Variants in SYNE1 observed in about 807,000 individuals in gnomAD.
The protein encoded by SYNE1 is nesprin-1.
SYNE1 carries 616 observed loss-of-function variants against 1,111.0 expected under a neutral mutation model. That is an observed-to-expected ratio of 0.55 (90% confidence interval 0.52 to 0.59). The LOEUF is 0.59. Ranked by LOEUF, SYNE1 falls within the 20% of genes least tolerant of loss-of-function variation. The pLI is 0.00. For missense variants in SYNE1, 10,006 were observed against 10,417.0 expected, an observed-to-expected ratio of 0.96 and a Z score of 1.72; for synonymous variants, 3,855 against 3,825.8, an observed-to-expected ratio of 1.01 and a Z score of -0.28.
chr6:152,343,381 A>T (rs1590619730), intron 74 of SYNE1, among the ~76,000 whole-genome samples: 2 of 147,268 alleles, frequency 1.4e-5, no homozygotes, highest in Admixed American at 6.7e-5. Flanking sequence ...ATGGTCTTGC[A>T]CTCTTGAAAC....
intron 3 of SYNE1, among the ~76,000 whole-genome samples, chr6:152,585,179 C>T (rs12530217): frequency 2.0e-3 from 298 of 152,282 alleles, no homozygotes; most frequent in African/African-American, 6.4e-3. Context: ...TGAAGAAGAA[C>T]GTGTTTGCTT....
At chr6:152,274,619 G>A (rs953508726) in intron 98 of SYNE1, among the ~76,000 whole-genome samples, 9 of 151,994 alleles carry the variant, frequency 5.9e-5, no homozygotes, top group African/African-American at 2.2e-4. Context: ...TTTTTGAGAT[G>A]GAGTTTCACT....
chr6:152,302,464 T>A (rs555584890), intron 91 of SYNE1, among the ~76,000 whole-genome samples: 2 of 152,354 alleles, frequency 1.3e-5, no homozygotes, highest in Admixed American at 6.5e-5. Flanking sequence ...GGTCATGTGA[T>A]GGCTAAAACC....
At chr6:152,384,693 T>A (rs924991996) in intron 55 of SYNE1, among the ~76,000 whole-genome samples, 3 of 152,040 alleles carry the variant, frequency 2.0e-5, no homozygotes, top group Non-Finnish European at 4.4e-5. Flanking sequence ...CTGGCCAACA[T>A]GGTGAAGCCC....
chr6:152,503,913 AC>A (rs2154329561), intron 9 of SYNE1, among the ~76,000 whole-genome samples: 1 of 152,302 alleles, frequency 6.6e-6, no homozygotes. Flanking sequence ...CTTTTGGTCT[AC>A]CTAATCTGTA....
At position 152,308,472 on chromosome 6, in the gene SYNE1, G is replaced by A. The variant is rs754335552; in HGVS notation, c.17346+17C>T. On this transcript the variant is annotated intron_variant, in intron 91 of 145. Coordinates refer to ENST00000367255, the MANE Select transcript of SYNE1 (RefSeq NM_182961.4). ...GCCAGTTTCCTGCCCTCGGTATTTC[G>A]CCTACATTCCTCTCACCTCATGCCG... 7.4e-6 allele frequency: 12 copies of A among 1,613,662 alleles called. No individual in the cohort carries two copies. Among genetic ancestry groups the A allele is most frequent in the East Asian group, 2.2e-5 (1 of 44,872 alleles).
At chr6:152,617,176 A>AAC (rs1406455802) in intron 3 of SYNE1, among the ~76,000 whole-genome samples, 1 of 152,192 alleles carries the variant, frequency 6.6e-6, no homozygotes, top group Non-Finnish European at 1.5e-5. Flanking sequence ...ATTATGAACT[A>AAC]TAAGTTCCTT....
At position 152,413,470 on chromosome 6, in the gene SYNE1, A is replaced by G; in HGVS notation, c.6112T>C (p.Leu2038=). ...GCAATTTGCTTGGCTTTGTCTTTCAACCAACATAGTTCATGCTCGTGAGAA... is the reference window on the plus strand; with the variant it reads ...GCAATTTGCTTGGCTTTGTCTTTCAGCCAACATAGTTCATGCTCGTGAGAA... ...LNSHEHELCW[L]KDKAKQIAQK... is the part of the protein sequence containing the mutation. The change falls in exon 42 of 146, where the codon TTG becomes CTG. Residue 2038 remains leucine, a synonymous_variant. Transcript: ENST00000367255. 3 of 1,614,156 alleles carry G rather than the reference A, an allele frequency of 1.9e-6. No individual in the cohort carries two copies. Among genetic ancestry groups the G allele is most frequent in the Middle Eastern group, 1.6e-4 (1 of 6,062 alleles).
rs547451707 is a variant in SYNE1 at position 152,456,096 on chromosome 6, G to C, written c.2569-52C>G. 1.2e-5 allele frequency: 19 copies of C among 1,572,572 alleles called. No individual in the cohort carries two copies. The African/African-American group carries it at 1.5e-4, about 12-fold the overall frequency. ...ATGTTATTTACAAGACAGAGTGAGA[G>C]AGAAAGAAAGAGAGTGACCATTACA... is the stretch of plus-strand genomic sequence containing the variant. On this transcript the variant is annotated intron_variant, in intron 22 of 145. Transcript: ENST00000367255.
At chr6:152,208,335 T>A (rs2076907737) in intron 124 of SYNE1, 129 bp from the exon 125 acceptor site, 1 of 810,364 alleles carries the variant, frequency 1.2e-6, no homozygotes, top group Middle Eastern at 3.3e-4. Flanking sequence ...TTTTTGAATA[T>A]CATGCCATGA....
chr6:152,462,137 A>C (rs534651060), intron 20 of SYNE1, among the ~76,000 whole-genome samples: 1 of 152,018 alleles, frequency 6.6e-6, no homozygotes, highest in African/African-American at 2.4e-5. Flanking sequence ...AAAAACTTAT[A>C]AATTAGAAAT....
At position 152,139,717 on chromosome 6, in the gene SYNE1, A is replaced by AAAAGAAAG. The variant is rs138419982; in HGVS notation, c.25458+225_25458+232dup. Among the ~76,000 whole-genome samples, 35 of 95,478 alleles carry AAAAGAAAG rather than the reference A, an allele frequency of 3.7e-4. 1 individual carries two copies. Among genetic ancestry groups the AAAAGAAAG allele is most frequent in the Middle Eastern group, 4.5e-3 (1 of 222 alleles). 62.6% of individuals were successfully genotyped at this position (95,478 alleles called of 152,430 possible). ...AAGAAAGAGAAAAAGAAAAGAAAGAAAAAGAAAGAAAGAAAGAAAGAAAGA... is the reference window on the plus strand; with the variant it reads ...AAGAAAGAGAAAAAGAAAAGAAAGAAAAAGAAAGAAAGAAAGAAAGAAAGAAAGAAAGA... On this transcript the variant is annotated intron_variant, in intron 140 of 145. Transcript: ENST00000367255.
chr6:152,253,733 T>C (rs1004734502), intron 104 of SYNE1, among the ~76,000 whole-genome samples: 1 of 150,292 alleles, frequency 6.7e-6, no homozygotes, highest in African/African-American at 2.4e-5. Context: ...TTTAAGAATG[T>C]AGACTACCAG....
chr6:152,242,031 A>C (rs1181574625), intron 107 of SYNE1, among the ~76,000 whole-genome samples: 3 of 152,204 alleles, frequency 2.0e-5, no homozygotes, highest in Non-Finnish European at 4.4e-5. Context: ...AATTTACAAC[A>C]TTATAGAAAC....
chr6:152,352,801 C>T (rs377350557), intron 69 of SYNE1, among the ~76,000 whole-genome samples: 9 of 152,284 alleles, frequency 5.9e-5, no homozygotes, highest in East Asian at 5.8e-4. Context: ...CCAGATTTGA[C>T]GTGCCAGGAA....
chr6:152,233,574 C>T lies in SYNE1; in HGVS notation c.20712+207G>A, dbSNP rs148457690. Among the ~76,000 whole-genome samples, 2,529 of 152,270 alleles carry T rather than the reference C, an allele frequency of 0.017. 69 individuals carry two copies. The highest frequency in any genetic ancestry group is 0.059 in the African/African-American group (2,432 of 41,532). On this transcript the variant is annotated intron_variant, in intron 112 of 145. Transcript: ENST00000367255. ...TCCTGAGCTCAGGCAATCCACCCTC[C>T]TCAGCCTCCCTAAGTGCTAGGATTA...
chr6:152,332,176 G>A (rs532222952), intron 77 of SYNE1, among the ~76,000 whole-genome samples: 1 of 152,070 alleles, frequency 6.6e-6, no homozygotes, highest in East Asian at 1.9e-4. Flanking sequence ...GTTTCACCAT[G>A]TTGGTCAGGC....
rs1190428009 is a variant in SYNE1 at position 152,444,466 on chromosome 6, T to C, written c.3782A>G (p.Lys1261Arg). The change falls in exon 30 of 146, where the codon AAG (lysine) becomes AGG (arginine). Residue 1261 changes from lysine (K) to arginine (R), a missense_variant. Physicochemically the swap from Lys to Arg is conservative, Grantham distance 26 (BLOSUM62 2). Around this residue, in one of 7 missense-constraint regions of SYNE1, gnomAD observed 1,971 missense variants for 2,084.1 expected, o/e 0.95. Coordinates refer to ENST00000367255, the MANE Select transcript of SYNE1 (RefSeq NM_182961.4). ...GSKEVQEQAE[K>R]ILDTENLFEA... Reference sequence around the variant, plus strand: ...AAACAGATTTTCAGTATCCAAGATCTTCTCAGCTTGTTCCTGGACTTCTTT... The same window carrying C: ...AAACAGATTTTCAGTATCCAAGATCCTCTCAGCTTGTTCCTGGACTTCTTT... The C allele has an allele frequency of 6.2e-7, 1 of 1,614,060 alleles. No homozygotes were observed.
At chr6:152,378,933 G>A (rs983584300) in intron 56 of SYNE1, among the ~76,000 whole-genome samples, 4 of 152,170 alleles carry the variant, frequency 2.6e-5, no homozygotes, top group African/African-American at 9.7e-5. Context: ...GGCTGGAGGA[G>A]TCTAAGACAT....
Sources: gnomAD v4.1 joint callset for allele counts (sites outside exome capture counted in the v4.1 genomes callset) on GRCh38, gnomAD v4.1.1 for gene constraint, gnomAD v4.1.1 regional missense constraint, MANE v1.5 for transcripts, NCBI Gene and HGNC (gene_info 2026-07-23, HGNC 2026-07-21) for gene names.